The following VRK2 variants were observed in gnomAD, a reference collection of about 807,000 sequenced individuals.
VRK2 encodes the protein VRK serine/threonine kinase 2, also known as serine/threonine-protein kinase VRK2.
In VRK2, 60 loss-of-function variants were observed where a neutral mutation model predicts 57.6. The ratio of observed to expected loss-of-function variants is 1.04; its 90% CI spans 0.85 to 1.29. The LOEUF is 1.29. VRK2 is among the 50% of genes most tolerant of loss of function. VRK2 has a pLI of 0.00. For missense variants in VRK2, 705 were observed against 588.1 expected, an observed-to-expected ratio of 1.20 and a Z score of -2.06; for synonymous variants, 231 against 199.2, an observed-to-expected ratio of 1.16 and a Z score of -1.35.
intron 3 of VRK2, among the ~76,000 whole-genome samples, chr2:58,040,293 T>C (rs1351483201): frequency 5.3e-5 from 8 of 152,176 alleles, no homozygotes; most frequent in African/African-American, 1.7e-4. Context: ...GAGTCTTCAG[T>C]GAGATAACTC....
At chr2:58,072,127 T>C (rs1029223941) in intron 2 of VRK2, among the ~76,000 whole-genome samples, 20 of 152,042 alleles carry the variant, frequency 1.3e-4, no homozygotes, top group African/African-American at 4.6e-4. Flanking sequence ...ATTTGTATTC[T>C]GCAACTTTGC....
In VRK2 at chr2:58,159,375, T is replaced by A; in HGVS notation, c.1209T>A (p.Tyr403Ter). Reference protein sequence around the residue: ...AQESTRRRQKYQESQEPLNEV... With the variant: ...AQESTRRRQK ...AAAGCACAAGGAGAAGACAGAAATA[T>A]CAAGAGTCTCAAGAACCTTTGAATG... Residue 403 changes from tyrosine (Y) to a stop codon, truncating the protein, a stop_gained, in exon 13 of 13, where the codon TAT (tyrosine) becomes TAA (stop). Transcript: ENST00000340157. LOFTEE classifies it low-confidence loss of function (END_TRUNC). The A allele has an allele frequency of 6.2e-7, 1 of 1,610,310 alleles. No homozygotes were observed. Among genetic ancestry groups the A allele is most frequent in the Non-Finnish European group, 8.5e-7 (1 of 1,178,616 alleles).
intron 1 of VRK2, chr2:58,048,447 C>A: frequency 1.3e-6 from 1 of 764,480 alleles, no homozygotes; most frequent in Non-Finnish European, 1.8e-6. Context: ...ATTTTACATT[C>A]TCAGTGACAG....
rs373502442 is a variant in VRK2, at chr2:58,018,942, C to T, written c.-438-6723C>T. Among the ~76,000 whole-genome samples, 50 of 152,196 alleles carry T rather than the reference C, an allele frequency of 3.3e-4. No homozygotes were observed. The South Asian group carries it at 9.8e-3, about 30-fold the overall frequency. ...TCTGCATATACATTAGTTATGTGTC[C>T]CCTTCTCTGATAAATTTCCCTGTAC... On this transcript the variant is annotated intron_variant, in intron 1 of 15. Transcript: ENST00000417641.
At chr2:57,993,556 T>C (rs2104089836) in intron 1 of VRK2, among the ~76,000 whole-genome samples, 2 of 152,314 alleles carry the variant, frequency 1.3e-5, no homozygotes, top group Middle Eastern at 6.8e-3. Context: ...ACATGAGCCA[T>C]TGGCTTTGTT....
intron 2 of VRK2, among the ~76,000 whole-genome samples, chr2:58,050,573 G>A (rs900898781): frequency 2.0e-5 from 3 of 152,158 alleles, no homozygotes; most frequent in Non-Finnish European, 4.4e-5. Flanking sequence ...TATTATTTGA[G>A]TAATTTCAAA....
At chr2:58,047,648 C>T (rs905286098) in intron 1 of VRK2, among the ~76,000 whole-genome samples, 4 of 152,144 alleles carry the variant, frequency 2.6e-5, no homozygotes, top group African/African-American at 7.2e-5. Context: ...ATATAATGTA[C>T]TGGTCAAGGG....
chr2:58,046,756 T>A (rs2103745440), upstream of VRK2: 1 of 985,444 alleles, frequency 1.0e-6, no homozygotes, highest in East Asian at 1.1e-4. Flanking sequence ...GAGGGCAGGC[T>A]CGAGTGCTGG....
At chr2:58,049,104 A>T in intron 2 of VRK2, 137 bp downstream of exon 2, 2 of 1,092,430 alleles carry the variant, frequency 1.8e-6, no homozygotes, top group Non-Finnish European at 2.5e-6. Flanking sequence ...TCGATTAAGT[A>T]ATAATAGAGT....
In VRK2 at chr2:58,146,450, A is replaced by T; in HGVS notation, c.1158A>T (p.Gly386=). The T allele has an allele frequency of 6.2e-7, 1 of 1,610,728 alleles. No individual in the cohort carries two copies. Among genetic ancestry groups the T allele is most frequent in the Non-Finnish European group, 8.5e-7 (1 of 1,177,782 alleles). Residue 386 remains glycine, a synonymous_variant, in exon 12 of 13, where the codon GGA becomes GGT. Coordinates refer to ENST00000340157, the MANE Select transcript of VRK2 (RefSeq NM_006296.7). The part of the protein sequence containing the change: ...WKVQKEEKLI[G]LMNNEAAQES... ...TGCAGAAAGAGGAGAAACTGATTGG[A>T]TTGATGAACAATGAAGCAGCTCAGG...
In VRK2 at chr2:58,048,872, C is replaced by T. The variant is rs1317346828; in HGVS notation, c.41C>T (p.Pro14Leu). ...AATGAAAAATACAAACTTCCTATTC[C>T]ATTTCCAGAAGGCAAGGTTCTGGAT... The part of the protein sequence containing the change: ...KRNEKYKLPI[P>L]FPEGKVLDDM... Residue 14 changes from proline (P) to leucine (L), a missense_variant, in exon 2 of 13, where the codon CCA becomes CTA. Transcript: ENST00000340157. The T allele has an allele frequency of 1.9e-6, 3 of 1,613,832 alleles. No individual in the cohort carries two copies. Among genetic ancestry groups the T allele is most frequent in the African/African-American group, 1.3e-5 (1 of 74,902 alleles).
chr2:58,026,895 T>C (rs1471360850), intron 2 of VRK2: 1 of 151,494 alleles, frequency 6.6e-6, no homozygotes, highest in African/African-American at 2.4e-5. Context: ...TTTTCTTTTT[T>C]TTTTTTGTTT....
intron 11 of VRK2, among the ~76,000 whole-genome samples, chr2:58,144,670 A>T (rs1201452910): frequency 6.6e-6 from 1 of 152,026 alleles, no homozygotes. Flanking sequence ...TATCAGGTAC[A>T]TTTATTACCA....
intron 10 of VRK2, 84 bp downstream of exon 10, chr2:58,135,283 C>A: frequency 2.1e-6 from 3 of 1,439,138 alleles, no homozygotes; most frequent in Non-Finnish European, 2.9e-6. Flanking sequence ...TTTTGCTTAA[C>A]CCACTTGCTC....
At chr2:58,046,895 G>A in intron 1 of VRK2, 27 bp downstream of exon 1, 2 of 985,386 alleles carry the variant, frequency 2.0e-6, no homozygotes. Flanking sequence ...GGGGTCTTGG[G>A]TGGCGGGCGG....
At chr2:58,066,769 G>T (rs1668670164) in intron 2 of VRK2, among the ~76,000 whole-genome samples, 1 of 152,120 alleles carries the variant, frequency 6.6e-6, no homozygotes. Flanking sequence ...GGTTATTTAG[G>T]ACTAATCTGG....
At chr2:58,054,356 T>C (rs1429405382) in intron 2 of VRK2, among the ~76,000 whole-genome samples, 1 of 152,064 alleles carries the variant, frequency 6.6e-6, no homozygotes, top group African/African-American at 2.4e-5. Context: ...CCACTGGACC[T>C]GTTACTATCT....
At chr2:58,159,252 T>C in intron 12 of VRK2, 97 bp from the exon 13 acceptor site, 4 of 930,826 alleles carry the variant, frequency 4.3e-6, no homozygotes, top group Non-Finnish European at 6.4e-6. Context: ...CTTGATCTTG[T>C]ATAACATTTT....
intron 1 of VRK2, among the ~76,000 whole-genome samples, chr2:57,995,234 C>T (rs1672888798): frequency 6.6e-6 from 1 of 152,082 alleles, no homozygotes; most frequent in Admixed American, 6.5e-5. Flanking sequence ...TGATTTATAT[C>T]ATCATGCACT....
Sources: gnomAD v4.1 joint callset for allele counts (sites outside exome capture counted in the v4.1 genomes callset) on GRCh38, gnomAD v4.1.1 for gene constraint, MANE v1.5 for transcripts, NCBI Gene and HGNC (gene_info 2026-07-23, HGNC 2026-07-21) for gene names.